SYNE1: variants seen among roughly 807,000 people sequenced by gnomAD.
SYNE1 encodes the protein spectrin repeat containing nuclear envelope protein 1.
A neutral mutation model predicts 1,111.0 loss-of-function variants in SYNE1; 616 were observed. The ratio of observed to expected loss-of-function variants is 0.55; its 90% CI spans 0.52 to 0.59. The LOEUF is 0.59. Ranked by LOEUF, SYNE1 falls within the 20% of genes least tolerant of loss-of-function variation. The pLI, the probability that SYNE1 is intolerant of heterozygous loss-of-function variation, is 0.00. For synonymous variants in SYNE1, 3,855 were observed against 3,825.8 expected, an observed-to-expected ratio of 1.01 and a Z score of -0.28; for missense variants, 10,006 against 10,417.0, an observed-to-expected ratio of 0.96 and a Z score of 1.72.
At chr6:152,499,391 T>C (rs905668808) in intron 10 of SYNE1, among the ~76,000 whole-genome samples, 1 of 152,038 alleles carries the variant, frequency 6.6e-6, no homozygotes, top group Non-Finnish European at 1.5e-5. Context: ...GTGATGTCGA[T>C]TTTCAGTAAG....
At chr6:152,297,718 G>T (rs1234499238) in intron 93 of SYNE1, among the ~76,000 whole-genome samples, 6 of 151,676 alleles carry the variant, frequency 4.0e-5, no homozygotes, top group African/African-American at 1.5e-4. Flanking sequence ...AATACAGAAG[G>T]CTCCCAAAAG....
Position 152,236,114 on chromosome 6 carries a change from A to G in SYNE1, c.20389T>C (p.Trp6797Arg), listed in dbSNP as rs1454290094. 5.0e-6 allele frequency: 8 copies of G among 1,613,970 alleles called. No individual in the cohort carries two copies. In the East Asian group the frequency reaches 1.8e-4, roughly 36 times the overall value. Residue 6797 changes from tryptophan to arginine, a missense_variant, in exon 110 of 146, where the codon TGG becomes CGG. By Grantham distance (101) the Trp-to-Arg change is moderately radical. Around this residue, in one of 7 missense-constraint regions of SYNE1, gnomAD observed 2,182 missense variants for 2,287.8 expected, o/e 0.95. Coordinates refer to ENST00000367255, the MANE Select transcript of SYNE1 (RefSeq NM_182961.4). Reference protein sequence around the residue: ...LHRLETILKHWTRYQSESADL... With the variant: ...LHRLETILKHRTRYQSESADL... ...AAACAGTCATTGTATTACCTGGTCC[A>G]GTGTTTCAATATTGTTTCCAGTCTG...
Position 152,596,898 on chromosome 6 carries a change from G to A in SYNE1, c.67+31367C>T, listed in dbSNP as rs537510261. 3.3e-5 allele frequency among the ~76,000 whole-genome samples: 5 copies of A among 152,266 alleles called. No homozygotes were observed. The South Asian group carries it at 1.0e-3, about 32-fold the overall frequency. On this transcript the variant is annotated intron_variant, in intron 3 of 145. Coordinates refer to ENST00000367255, the MANE Select transcript of SYNE1 (RefSeq NM_182961.4). Reference sequence around the variant, plus strand: ...TCACAAAGGACTGGTCCTCTCTAAAGGCACAGACAAAGGCACAAGCAAAAA... The same window carrying A: ...TCACAAAGGACTGGTCCTCTCTAAAAGCACAGACAAAGGCACAAGCAAAAA...
intron 11 of SYNE1, among the ~76,000 whole-genome samples, chr6:152,496,246 T>C (rs914261201): frequency 9.9e-5 from 15 of 152,140 alleles, no homozygotes; most frequent in Admixed American, 8.5e-4. Context: ...AGGCCTCGAC[T>C]TACTGCTGAA....
chr6:152,478,931 A>G (rs1271501218), intron 14 of SYNE1, among the ~76,000 whole-genome samples: 2 of 152,208 alleles, frequency 1.3e-5, no homozygotes, highest in South Asian at 2.1e-4. Context: ...AATACGGACA[A>G]GGCAAGCGAG....
chr6:152,238,601 T>A (rs2084779618), intron 108 of SYNE1, among the ~76,000 whole-genome samples: 1 of 151,906 alleles, frequency 6.6e-6, no homozygotes, highest in Non-Finnish European at 1.5e-5. Context: ...AAAATGCAAA[T>A]ACGACCTGCA....
intron 104 of SYNE1, among the ~76,000 whole-genome samples, chr6:152,252,034 T>A (rs1341120194): frequency 6.6e-6 from 1 of 151,920 alleles, no homozygotes; most frequent in Non-Finnish European, 1.5e-5. Context: ...CTTTGGGAGG[T>A]GGAGGCAGGC....
chr6:152,350,068 CTGTGTGTGCA>C (rs1387115345), intron 72 of SYNE1, 90 bp downstream of exon 72: 31 of 1,406,304 alleles, frequency 2.2e-5, no homozygotes, highest in Non-Finnish European at 3.0e-5. Flanking sequence ...AGAGATGCAC[CTGTGTGTGCA>C]CCCCCACACA....
Position 152,268,103 on chromosome 6 carries a change from C to G in SYNE1, c.18768G>C (p.Glu6256Asp). ...CCGCCGAATGTTGAATTAGAATCTC[C>G]TCTCCACGACTGGCTACTGAGCGAA... ...SLLRSVASRG[E>D]EILIQHSAAE... is the part of the protein sequence containing the mutation. The change falls in exon 100 of 146, where the codon GAG becomes GAC. Residue 6256 changes from glutamate (E) to aspartate (D), a missense_variant. Physicochemically the swap from Glu to Asp is conservative, Grantham distance 45. Coordinates refer to ENST00000367255, the MANE Select transcript of SYNE1 (RefSeq NM_182961.4). The G allele has an allele frequency of 6.2e-7, 1 of 1,614,124 alleles. No individual in the cohort carries two copies. Among genetic ancestry groups the G allele is most frequent in the Non-Finnish European group, 8.5e-7 (1 of 1,180,000 alleles).
chr6:152,562,274 C>T (rs991710832), intron 3 of SYNE1, among the ~76,000 whole-genome samples: 1 of 152,074 alleles, frequency 6.6e-6, no homozygotes, highest in Non-Finnish European at 1.5e-5. Context: ...AGAATACATA[C>T]GAATGGCCAA....
intron 82 of SYNE1, among the ~76,000 whole-genome samples, chr6:152,322,990 G>A (rs555292254): frequency 6.6e-6 from 1 of 152,260 alleles, no homozygotes; most frequent in African/African-American, 2.4e-5. Context: ...GTTCACCATC[G>A]TATCTCTAAG....
At chr6:152,539,418 A>T (rs1188552571) in intron 4 of SYNE1, among the ~76,000 whole-genome samples, 1 of 152,198 alleles carries the variant, frequency 6.6e-6, no homozygotes, top group Non-Finnish European at 1.5e-5. Context: ...CAAAGACATT[A>T]TAATATATAG....
At chr6:152,567,154 T>C (rs2099416628) in intron 3 of SYNE1, among the ~76,000 whole-genome samples, 1 of 152,136 alleles carries the variant, frequency 6.6e-6, no homozygotes, top group Non-Finnish European at 1.5e-5. Flanking sequence ...ACTGTTTAAG[T>C]GTCATGCAGT....
At chr6:152,411,511 T>A (rs1172031988) in intron 42 of SYNE1, among the ~76,000 whole-genome samples, 1 of 151,854 alleles carries the variant, frequency 6.6e-6, no homozygotes, top group Non-Finnish European at 1.5e-5. Context: ...TGGGATTGTA[T>A]AAAAAGACCT....
At chr6:152,267,713 G>C (rs2092836517) in intron 100 of SYNE1, among the ~76,000 whole-genome samples, 1 of 152,186 alleles carries the variant, frequency 6.6e-6, no homozygotes. Context: ...CTCTTACAGA[G>C]AGAATGCTCT....
At position 152,294,104 on chromosome 6, in the gene SYNE1, C is replaced by T. The variant is rs1331798798; in HGVS notation, c.17706G>A (p.Leu5902=). ...VNQDIAYYQA[L]SAERLQTDAA... ...CATCTGTCTGCAACCTCTCAGCAGACAAGGCTTGGTAATATGCAATGTCCT... is the reference window on the plus strand; with the variant it reads ...CATCTGTCTGCAACCTCTCAGCAGATAAGGCTTGGTAATATGCAATGTCCT... The change falls in exon 94 of 146, where the codon TTG becomes TTA. Residue 5902 remains leucine, a synonymous_variant. Transcript: ENST00000367255. 1 of 1,613,670 alleles carries T rather than the reference C, an allele frequency of 6.2e-7. No homozygotes were observed. Among genetic ancestry groups the T allele is most frequent in the African/African-American group, 1.3e-5 (1 of 74,982 alleles).
chr6:152,404,190 A>C, intron 46 of SYNE1, 23 bp downstream of exon 46: 1 of 1,548,426 alleles, frequency 6.5e-7, no homozygotes, highest in Non-Finnish European at 8.9e-7. Context: ...ATGGAAGTCT[A>C]GTAGTTATTA....
chr6:152,493,746 C>T (rs898791776), intron 11 of SYNE1, among the ~76,000 whole-genome samples: 6 of 152,182 alleles, frequency 3.9e-5, no homozygotes, highest in African/African-American at 4.8e-5. Context: ...CCCTGTTGAT[C>T]GTGTCCGGCT....
At chr6:152,407,298 G>C in intron 44 of SYNE1, 102 bp from the exon 45 acceptor site, 1 of 1,190,136 alleles carries the variant, frequency 8.4e-7, no homozygotes, top group East Asian at 2.5e-5. Context: ...AGTATATTCT[G>C]ACGGACAAAC....
Sources: gnomAD v4.1 joint callset for allele counts (sites outside exome capture counted in the v4.1 genomes callset) on GRCh38, gnomAD v4.1.1 for gene constraint, gnomAD v4.1.1 regional missense constraint, MANE v1.5 for transcripts, NCBI Gene and HGNC (gene_info 2026-07-23, HGNC 2026-07-21) for gene names.